The following TTC1 variants were observed in gnomAD, a reference collection of about 807,000 sequenced individuals.
TTC1 encodes tetratricopeptide repeat protein 1.
A neutral mutation model predicts 37.6 loss-of-function variants in TTC1; 31 were observed. The ratio of observed to expected loss-of-function variants is 0.82; its 90% CI spans 0.62 to 1.11. The LOEUF is 1.11. Among genes scored for constraint, TTC1 ranks in the 50% most tolerant of loss-of-function variants. The pLI is 0.00. For missense variants in TTC1, 351 were observed against 339.0 expected, an observed-to-expected ratio of 1.04 and a Z score of -0.28; for synonymous variants, 127 against 122.4, an observed-to-expected ratio of 1.04 and a Z score of -0.25.
chr5:160,032,567 C>T (rs1198330475), intron 2 of TTC1, among the ~76,000 whole-genome samples: 4 of 152,042 alleles, frequency 2.6e-5, no homozygotes, highest in African/African-American at 9.7e-5. Flanking sequence ...GATCTTAAAT[C>T]TAGATTGAGT....
chr5:160,031,025 A>T (rs1249577920), intron 2 of TTC1, among the ~76,000 whole-genome samples: 1 of 152,202 alleles, frequency 6.6e-6, no homozygotes, highest in Non-Finnish European at 1.5e-5. Flanking sequence ...CTTGGATTCC[A>T]ATAATATTGT....
chr5:160,024,097 G>T, intron 2 of TTC1: 1 of 816,014 alleles, frequency 1.2e-6, no homozygotes, highest in Non-Finnish European at 2.1e-6. Context: ...AATGGGTAGA[G>T]CCTTCTCTGT....
intron 6 of TTC1, 52 bp downstream of exon 6, chr5:160,049,714 C>T: frequency 3.0e-6 from 4 of 1,354,664 alleles, no homozygotes; most frequent in Non-Finnish European, 3.9e-6. Context: ...TGTGTTGCTA[C>T]CCAGTGAGTC....
chr5:160,047,433 C>T (rs193159866), intron 5 of TTC1, among the ~76,000 whole-genome samples: 3 of 152,200 alleles, frequency 2.0e-5, no homozygotes, highest in Admixed American at 2.0e-4. Flanking sequence ...TAATGTAATC[C>T]GGCTGCTGTT....
intron 5 of TTC1, among the ~76,000 whole-genome samples, chr5:160,047,631 T>C (rs1228300239): frequency 6.6e-6 from 1 of 152,276 alleles, no homozygotes; most frequent in East Asian, 1.9e-4. Context: ...TCCAGTGGCT[T>C]CTCATCACAC....
intron 2 of TTC1, among the ~76,000 whole-genome samples, chr5:160,033,297 A>T (rs1756944550): frequency 6.6e-6 from 1 of 152,164 alleles, no homozygotes; most frequent in Admixed American, 6.6e-5. Flanking sequence ...TCTTAAAATG[A>T]ATTGTTATTT....
intron 2 of TTC1, among the ~76,000 whole-genome samples, chr5:160,030,909 C>A (rs752789894): frequency 2.6e-5 from 4 of 152,196 alleles, no homozygotes; most frequent in Non-Finnish European, 5.9e-5. Flanking sequence ...AAAGACTTTC[C>A]TCTGATAGTG....
At chr5:160,017,548 A>G (rs1376399405) in intron 2 of TTC1, among the ~76,000 whole-genome samples, 1 of 152,252 alleles carries the variant, frequency 6.6e-6, no homozygotes, top group Non-Finnish European at 1.5e-5. Context: ...GGAGGGACAC[A>G]TTCAGACCAT....
intron 2 of TTC1, among the ~76,000 whole-genome samples, chr5:160,011,475 A>C (rs1756501703): frequency 6.6e-6 from 1 of 152,236 alleles, no homozygotes; most frequent in Admixed American, 6.5e-5. Flanking sequence ...TCCCATAAGG[A>C]AACAGCTTAG....
chr5:160,042,479 G>A (rs1330089308), intron 4 of TTC1, among the ~76,000 whole-genome samples: 1 of 152,164 alleles, frequency 6.6e-6, no homozygotes, highest in East Asian at 1.9e-4. Flanking sequence ...CCCTAGAGAA[G>A]GAAAATAGCA....
intron 4 of TTC1, among the ~76,000 whole-genome samples, chr5:160,038,708 G>T (rs1407117320): frequency 2.0e-5 from 3 of 148,340 alleles, no homozygotes; most frequent in Non-Finnish European, 4.4e-5. Context: ...TGTCACCTAG[G>T]CTGGAGTGCA....
intron 7 of TTC1, among the ~76,000 whole-genome samples, chr5:160,052,168 C>CA (rs59723596): frequency 0.072 from 10,922 of 152,032 alleles, 472 homozygotes; most frequent in East Asian, 0.12. Flanking sequence ...CCAGATTTTC[C>CA]AAAAAAGGGA....
chr5:160,064,963 C>A lies in TTC1; in HGVS notation c.777C>A (p.Leu259=). ...TAAAAGATCTTGGGAACTTGGTTCT[C>A]CGACCTTTTGGGCTCTCCACGGAAA... is the stretch of plus-strand genomic sequence containing the variant. ...GKLKDLGNLV[L]RPFGLSTENF... Residue 259 remains leucine (L), a synonymous_variant, in exon 8 of 8, where the codon CTC becomes CTA. Transcript: ENST00000231238. 6.2e-7 allele frequency: 1 copy of A among 1,613,812 alleles called. No individual in the cohort carries two copies.
intron 1 of TTC1, 40 bp from the exon 2 acceptor site, chr5:160,010,460 A>G: frequency 1.5e-6 from 2 of 1,359,672 alleles, no homozygotes; most frequent in South Asian, 1.4e-5. Context: ...TTAAAAATAC[A>G]AGCACCATTA....
At chr5:160,052,493 G>A (rs1487544061) in intron 7 of TTC1, among the ~76,000 whole-genome samples, 1 of 134,558 alleles carries the variant, frequency 7.4e-6, no homozygotes, top group African/African-American at 2.9e-5. Flanking sequence ...TCTCAAAGAA[G>A]AGGGAAAAGA....
Position 160,010,886 on chromosome 5 carries a change from C to G in TTC1, c.330+28C>G, listed in dbSNP as rs1272782615. 11 of 1,584,502 alleles carry G rather than the reference C, an allele frequency of 6.9e-6. No homozygotes were observed. In the African/African-American group the frequency reaches 1.3e-4, roughly 19 times the overall value. On this transcript the variant is annotated intron_variant, in intron 2 of 7. Transcript: ENST00000231238. Reference sequence around the variant, plus strand: ...AAGTATTTTATTTATTGTGCAAGATCTGCCACTTACACTGCATTTTAAAAT... The same window carrying G: ...AAGTATTTTATTTATTGTGCAAGATGTGCCACTTACACTGCATTTTAAAAT...
chr5:160,031,715 A>G (rs187464391), intron 2 of TTC1, among the ~76,000 whole-genome samples: 1 of 152,116 alleles, frequency 6.6e-6, no homozygotes, highest in Admixed American at 6.5e-5. Context: ...TAAAGGCAAG[A>G]TGAGGGCTGG....
At chr5:160,042,470 C>T (rs2113376764) in intron 4 of TTC1, among the ~76,000 whole-genome samples, 1 of 152,160 alleles carries the variant, frequency 6.6e-6, no homozygotes. Flanking sequence ...CAAACTGAGC[C>T]CTAGAGAAGG....
chr5:160,046,732 G>A (rs1042374618), intron 5 of TTC1, among the ~76,000 whole-genome samples: 2 of 152,106 alleles, frequency 1.3e-5, no homozygotes, highest in African/African-American at 4.8e-5. Flanking sequence ...TAGAGCAACA[G>A]GCCGGGCACA....
Sources: gnomAD v4.1 joint callset for allele counts (sites outside exome capture counted in the v4.1 genomes callset) on GRCh38, gnomAD v4.1.1 for gene constraint, MANE v1.5 for transcripts, NCBI Gene and HGNC (gene_info 2026-07-23, HGNC 2026-07-21) for gene names.